The following ALPK2 variants were observed in gnomAD, a reference collection of about 807,000 sequenced individuals.
The protein encoded by ALPK2 is alpha-protein kinase 2.
Under a neutral mutation model 163.1 loss-of-function variants are expected in ALPK2, and 127 were observed. That is an observed-to-expected ratio of 0.78 (90% confidence interval 0.67 to 0.90). ALPK2 has a LOEUF of 0.90. Ranked by LOEUF, ALPK2 falls within the 40% of genes least tolerant of loss-of-function variation. ALPK2 has a pLI of 0.00. For synonymous variants in ALPK2, 953 were observed against 959.1 expected (o/e 0.99, Z 0.12); for missense variants, 2,360 against 2,589.6 (o/e 0.91, Z 1.92).
rs527618518 is a variant in ALPK2, at chr18:58,578,815, T to C, written c.1961A>G (p.Gln654Arg). 2 of 1,608,306 alleles carry C rather than the reference T, an allele frequency of 1.2e-6. No homozygotes were observed. The highest frequency in any genetic ancestry group is 3.4e-5 in the Admixed American group (2 of 59,516). Residue 654 changes from glutamine to arginine, a missense_variant and splice_region_variant, in exon 4 of 13, where the codon CAG becomes CGG. Coordinates refer to ENST00000361673, the MANE Select transcript of ALPK2 (RefSeq NM_052947.4). ...SQVPDWSDPP[Q>R]VQVQETVRET... ...ATTTCTTTAAAAGAAAAGTCTTACC[T>C]GAGGAGGATCACTCCAGTCTGGAAC...
At chr18:58,550,675 A>C (rs2051753300) in intron 4 of ALPK2, among the ~76,000 whole-genome samples, 1 of 149,600 alleles carries the variant, frequency 6.7e-6, no homozygotes. Flanking sequence ...GTACAACCCC[A>C]TCCCCACCTC....
intron 12 of ALPK2, among the ~76,000 whole-genome samples, chr18:58,496,772 T>C (rs569874883): frequency 6.6e-6 from 1 of 152,274 alleles, no homozygotes; most frequent in African/African-American, 2.4e-5. Context: ...CTGGAGAGAC[T>C]TTACTCCTCT....
chr18:58,621,323 G>A (rs2052197767), intron 1 of ALPK2, among the ~76,000 whole-genome samples: 1 of 150,508 alleles, frequency 6.6e-6, no homozygotes, highest in African/African-American at 2.4e-5. Flanking sequence ...CACCCAGGCT[G>A]GAGTGCAGTG....
At chr18:58,601,838 G>T (rs564642278) in intron 3 of ALPK2, among the ~76,000 whole-genome samples, 1 of 152,174 alleles carries the variant, frequency 6.6e-6, no homozygotes, top group Admixed American at 6.6e-5. Context: ...GCTGCTCTAC[G>T]AGAGCACACC....
intron 12 of ALPK2, among the ~76,000 whole-genome samples, chr18:58,486,646 T>C (rs1302827499): frequency 6.6e-6 from 1 of 152,188 alleles, no homozygotes; most frequent in African/African-American, 2.4e-5. Context: ...GTGTTGAACT[T>C]CCCTTTCCCT....
chr18:58,611,570 GA>G (rs1298945628), intron 2 of ALPK2, 118 bp downstream of exon 2: 54 of 882,578 alleles, frequency 6.1e-5, no homozygotes, highest in South Asian at 1.1e-4. Flanking sequence ...TGATTACACA[GA>G]AAAAAAAACT....
chr18:58,542,713 G>A (rs988488341), intron 4 of ALPK2, among the ~76,000 whole-genome samples: 4 of 152,172 alleles, frequency 2.6e-5, no homozygotes, highest in Non-Finnish European at 5.9e-5. Flanking sequence ...GAAGTTCACT[G>A]GTGCATCCAG....
chr18:58,529,696 A>AAT (rs1475614073), intron 5 of ALPK2, among the ~76,000 whole-genome samples: 1 of 152,238 alleles, frequency 6.6e-6, no homozygotes, highest in African/African-American at 2.4e-5. Flanking sequence ...ACACCTCAAC[A>AAT]ATAGGTTATT....
Position 58,536,150 on chromosome 18 carries a change from A to G in ALPK2, c.4037T>C (p.Val1346Ala), listed in dbSNP as rs759154010. The change falls in exon 5 of 13, where the codon GTA becomes GCA. Residue 1346 changes from valine to alanine, a missense_variant. Coordinates refer to ENST00000361673, the MANE Select transcript of ALPK2 (RefSeq NM_052947.4). ...PRLLESSVDPVDEKELSVTDS... is the reference protein window; with the variant it reads ...PRLLESSVDPADEKELSVTDS... ...TGTGACAGATAACTCCTTTTCATCTACAGGGTCCACGGATGACTCCAGGAG... is the reference window on the plus strand; with the variant it reads ...TGTGACAGATAACTCCTTTTCATCTGCAGGGTCCACGGATGACTCCAGGAG... 13 of 1,614,124 alleles carry G rather than the reference A, an allele frequency of 8.1e-6. No individual in the cohort carries two copies. The highest frequency in any genetic ancestry group is 2.2e-5 in the East Asian group (1 of 44,876).
At chr18:58,598,574 C>T (rs1389228287) in intron 3 of ALPK2, among the ~76,000 whole-genome samples, 2 of 152,174 alleles carry the variant, frequency 1.3e-5, no homozygotes, top group Non-Finnish European at 2.9e-5. Context: ...AGGACAGAGA[C>T]TTACGCTGCC....
Position 58,578,845 on chromosome 18 carries a change from C to T in ALPK2, c.1931G>A (p.Ser644Asn), listed in dbSNP as rs2051937778. 1 of 1,613,586 alleles carries T rather than the reference C, an allele frequency of 6.2e-7. No homozygotes were observed. Among genetic ancestry groups the T allele is most frequent in the Non-Finnish European group, 8.5e-7 (1 of 1,179,954 alleles). The change falls in exon 4 of 13, where the codon AGC becomes AAC. Residue 644 changes from serine to asparagine, a missense_variant. By Grantham distance (46) the Ser-to-Asn change is conservative. Coordinates refer to ENST00000361673, the MANE Select transcript of ALPK2 (RefSeq NM_052947.4). ...AGGATCACTCCAGTCTGGAACCTGG[C>T]TTGTTTCAAATAGAGTATTAACTTG... Reference protein sequence around the residue: ...GMQVNTLFETSQVPDWSDPPQ... With the variant: ...GMQVNTLFETNQVPDWSDPPQ...
At chr18:58,482,084 A>G in intron 12 of ALPK2, 45 bp from the exon 13 acceptor site, 1 of 1,445,544 alleles carries the variant, frequency 6.9e-7, no homozygotes, top group South Asian at 1.2e-5. Flanking sequence ...AAAACAGGAC[A>G]CTTTCATCAG....
chr18:58,566,002 A>G (rs2051851088), intron 4 of ALPK2, among the ~76,000 whole-genome samples: 1 of 152,104 alleles, frequency 6.6e-6, no homozygotes, highest in Non-Finnish European at 1.5e-5. Flanking sequence ...AGGCTGGTCT[A>G]GGACTCCTGA....
chr18:58,510,136 T>A (rs1177416457), intron 10 of ALPK2, among the ~76,000 whole-genome samples: 1 of 152,238 alleles, frequency 6.6e-6, no homozygotes, highest in African/African-American at 2.4e-5. Context: ...ATTTATTAAA[T>A]AGGGAATCCT....
At position 58,613,334 on chromosome 18, in the gene ALPK2, A is replaced by G. The variant is rs536018841; in HGVS notation, c.-20-1517T>C. Among the ~76,000 whole-genome samples, 3 of 152,248 alleles carry G rather than the reference A, an allele frequency of 2.0e-5. No individual in the cohort carries two copies. The East Asian group carries it at 5.8e-4, about 29-fold the overall frequency. ...ATTTGCAGGGCCCGGTTCAAGATGA[A>G]AATGAGGGGTTCTTTGTGCAAACAG... is the stretch of plus-strand genomic sequence containing the variant. On this transcript the variant is annotated intron_variant, in intron 1 of 12. Transcript: ENST00000361673.
chr18:58,537,589 T>A lies in ALPK2; in HGVS notation c.2598A>T (p.Thr866=). The change falls in exon 5 of 13, where the codon ACA becomes ACT. Residue 866 remains threonine (T), a synonymous_variant. Transcript: ENST00000361673. ...TAGACACTGAAGTCTCAGACACTTG[T>A]GTCTGAAAAAAGACTTCCAGTGTCT... ...NDKTLEVFFQ[T]QVSETSVSTC... 1 of 1,613,880 alleles carries A rather than the reference T, an allele frequency of 6.2e-7. No homozygotes were observed. Among genetic ancestry groups the A allele is most frequent in the Non-Finnish European group, 8.5e-7 (1 of 1,179,798 alleles).
Position 58,536,680 on chromosome 18 carries a change from C to T in ALPK2, c.3507G>A (p.Leu1169=). ...TTSAAQEERN[L]VPTAHSPASS... is the part of the protein sequence containing the mutation. ...TTGCGGGTGAGTGGGCCGTGGGCAC[C>T]AAGTTTCTTTCCTCTTGTGCAGCAG... Residue 1169 remains leucine, a synonymous_variant, in exon 5 of 13, where the codon TTG becomes TTA. Coordinates refer to ENST00000361673, the MANE Select transcript of ALPK2 (RefSeq NM_052947.4). The T allele has an allele frequency of 6.2e-7, 1 of 1,614,126 alleles. No individual in the cohort carries two copies. Among genetic ancestry groups the T allele is most frequent in the Non-Finnish European group, 8.5e-7 (1 of 1,180,026 alleles).
At chr18:58,488,611 A>C (rs1025263875) in intron 12 of ALPK2, among the ~76,000 whole-genome samples, 1 of 151,604 alleles carries the variant, frequency 6.6e-6, no homozygotes, top group Non-Finnish European at 1.5e-5. Flanking sequence ...AACCCACTGA[A>C]AAGTTTTCCT....
At chr18:58,538,648 C>T (rs2051671596) in intron 4 of ALPK2, 2 of 163,906 alleles carry the variant, frequency 1.2e-5, no homozygotes, top group Non-Finnish European at 2.6e-5. Flanking sequence ...CAGCAATAAG[C>T]AATCTTTGTC....
Sources: gnomAD v4.1 joint callset for allele counts (sites outside exome capture counted in the v4.1 genomes callset) on GRCh38, gnomAD v4.1.1 for gene constraint, MANE v1.5 for transcripts, NCBI Gene and HGNC (gene_info 2026-07-23, HGNC 2026-07-21) for gene names.